PEX5: variants seen among roughly 807,000 people sequenced by gnomAD.
The protein encoded by PEX5 is peroxisomal biogenesis factor 5, also known as PTS1 receptor.
In PEX5, 52 loss-of-function variants were observed where a neutral mutation model predicts 82.9. The observed-to-expected ratio is 0.63, with a 90% confidence interval of 0.50 to 0.79. The LOEUF (loss-of-function observed/expected upper bound fraction) is 0.79. Among genes scored for constraint, PEX5 ranks in the 30% least tolerant of loss-of-function variants. PEX5 has a pLI of 0.00. For synonymous variants in PEX5, 300 were observed against 318.8 expected (o/e 0.94, Z 0.63); for missense variants, 719 against 815.2 (o/e 0.88, Z 1.44).
intron 6 of PEX5, among the ~76,000 whole-genome samples, chr12:7,200,258 C>T (rs1236010869): frequency 2.7e-5 from 4 of 149,908 alleles, no homozygotes; most frequent in Non-Finnish European, 5.9e-5. Flanking sequence ...GACGGGGCGG[C>T]GGGGCAGAGG....
At position 7,191,106 on chromosome 12, in the gene PEX5, C is replaced by T. The variant is rs1029413264; in HGVS notation, c.184-120C>T. The T allele has an allele frequency of 4.8e-6, 6 of 1,242,018 alleles. No homozygotes were observed. The African/African-American group carries it at 7.4e-5, about 15-fold the overall frequency. The allele number at this position is 1,242,018 out of a possible 1,614,324, so 76.9% of individuals were successfully genotyped here. A position where few individuals can be genotyped will look rare whatever the true frequency, so the allele number is the denominator to read the frequency against. On this transcript the variant is annotated intron_variant, in intron 3 of 15. Transcript: ENST00000675855. ...GGAAAGACAGTTTCTCTTTATGTGT[C>T]TCCAGTTTCTGTGTTTTCCTTTCCT...
chr12:7,190,067 G>T, intron 1 of PEX5: 1 of 1,500,098 alleles, frequency 6.7e-7, no homozygotes, highest in Non-Finnish European at 8.8e-7. Context: ...TGGTCCCCCG[G>T]GGTCCAGGCC....
intron 5 of PEX5, among the ~76,000 whole-genome samples, chr12:7,192,181 G>GCCTTGTGTTA (rs1941264461): frequency 6.6e-6 from 1 of 152,140 alleles, no homozygotes; most frequent in Admixed American, 6.5e-5. Context: ...TACGTTCTAG[G>GCCTTGTGTTA]CCTTGTGTTA....
rs370010815 is a variant in PEX5, at chr12:7,203,433, C to T, written c.848C>T (p.Ser283Phe). The change falls in exon 10 of 16, where the codon TCT becomes TTT. Residue 283 changes from serine to phenylalanine, a missense_variant and splice_region_variant. Transcript: ENST00000675855. ...CTATCTGCTTTCCCTTCCTTACAGTCTGATGTCGATTTCTGGGACAAGTTG... is the reference window on the plus strand; with the variant it reads ...CTATCTGCTTTCCCTTCCTTACAGTTTGATGTCGATTTCTGGGACAAGTTG... ...EFERAKSAIE[S>F]DVDFWDKLQA... 8.7e-6 allele frequency: 14 copies of T among 1,613,040 alleles called. No homozygotes were observed. Among genetic ancestry groups the T allele is most frequent in the Non-Finnish European group, 1.0e-5 (12 of 1,179,700 alleles).
chr12:7,199,304 A>G (rs1268367914), intron 6 of PEX5, among the ~76,000 whole-genome samples, 191 bp downstream of exon 6: 1 of 150,958 alleles, frequency 6.6e-6, no homozygotes, highest in Non-Finnish European at 1.5e-5. Context: ...TCAGCACATA[A>G]GCAAGTGAAC....
chr12:7,199,195 C>T, intron 6 of PEX5, 82 bp downstream of exon 6: 1 of 671,516 alleles, frequency 1.5e-6, no homozygotes, highest in South Asian at 1.6e-5. Flanking sequence ...GTTCTCGAAC[C>T]AACTTACTTT....
chr12:7,197,222 A>ATATATGTCATATGTAATAAT lies in PEX5; in HGVS notation c.449-1763_449-1744dup, dbSNP rs1157306210. Among the ~76,000 whole-genome samples, 59 of 69,182 alleles carry ATATATGTCATATGTAATAAT rather than the reference A, an allele frequency of 8.5e-4. 11 individuals carry two copies. In the East Asian group the frequency reaches 0.014, roughly 17 times the overall value. The allele number at this position is 69,182 out of a possible 152,430, so 45.4% of individuals were successfully genotyped here. ...TATATATGTCATATATAATGTAATT[A>ATATATGTCATATGTAATAAT]TATATGTCATATGTAATAATTATAT... On this transcript the variant is annotated intron_variant, in intron 5 of 15. Coordinates refer to ENST00000675855, the MANE Select transcript of PEX5 (RefSeq NM_001351132.2).
At chr12:7,216,214 C>G (rs954189339), downstream of PEX5, among the ~76,000 whole-genome samples, 1 of 152,180 alleles carries the variant, frequency 6.6e-6, no homozygotes, top group African/African-American at 2.4e-5. Context: ...GTGATCCACC[C>G]GCCTTAGCTT....
rs750743600 is a variant in PEX5 at position 7,208,461 on chromosome 12, C to G, written c.1186C>G (p.Leu396Val). 1 of 1,613,298 alleles carries G rather than the reference C, an allele frequency of 6.2e-7. No individual in the cohort carries two copies. Among genetic ancestry groups the G allele is most frequent in the South Asian group, 1.1e-5 (1 of 91,042 alleles). ...TGCCCATCCCTGATCAAACAGGTGT[C>G]TGGAGCTAAAGCCAGATAACCAGAC... is the stretch of plus-strand genomic sequence containing the variant. ...LLAISALRRC[L>V]ELKPDNQTAL... The change falls in exon 13 of 16, where the codon CTG (leucine) becomes GTG (valine). Residue 396 changes from leucine to valine, a missense_variant. Coordinates refer to ENST00000675855, the MANE Select transcript of PEX5 (RefSeq NM_001351132.2).
At chr12:7,200,119 C>T (rs1218127431) in intron 6 of PEX5, among the ~76,000 whole-genome samples, 2 of 149,798 alleles carry the variant, frequency 1.3e-5, no homozygotes, top group Admixed American at 1.3e-4. Context: ...CGGAGACGCT[C>T]CTCACTTCCC....
At chr12:7,197,392 TTA>T (rs1179229186) in intron 5 of PEX5, among the ~76,000 whole-genome samples, 4,960 of 61,592 alleles carry the variant, frequency 0.081, 181 homozygotes, top group South Asian at 0.11. Context: ...AATGTAATAA[TTA>T]TATATATGTC....
At chr12:7,189,495 G>C (rs1940468938), upstream of PEX5, 1 of 159,766 alleles carries the variant, frequency 6.3e-6, no homozygotes, top group Non-Finnish European at 1.4e-5. Context: ...CTTTTCGAGC[G>C]CTCCTAAAGG....
At chr12:7,203,618 C>T (rs978063657) in intron 10 of PEX5, 67 bp downstream of exon 10, 63 of 1,493,166 alleles carry the variant, frequency 4.2e-5, no homozygotes, top group Non-Finnish European at 5.6e-5. Flanking sequence ...TTCCTTTAAT[C>T]CTGAATTTGA....
intron 1 of PEX5, chr12:7,190,131 C>A: frequency 6.7e-7 from 1 of 1,484,556 alleles, no homozygotes; most frequent in Non-Finnish European, 8.9e-7. Context: ...GTCGCGGAGG[C>A]CTCTGCAGAG....
At chr12:7,208,185 A>G (rs1226383740) in intron 12 of PEX5, 105 bp downstream of exon 12, 23 of 875,118 alleles carry the variant, frequency 2.6e-5, no homozygotes, top group East Asian at 4.9e-5. Context: ...TCTGAGTGCT[A>G]TCAAGAGTGT....
At position 7,202,252 on chromosome 12, in the gene PEX5, C is replaced by A. The variant is rs752935710; in HGVS notation, c.654C>A (p.Phe218Leu). The A allele has an allele frequency of 6.2e-7, 1 of 1,613,918 alleles. No homozygotes were observed. Among genetic ancestry groups the A allele is most frequent in the Admixed American group, 1.7e-5 (1 of 59,970 alleles). ...TCTCTGTGCCCCAGTTCCTGAAATT[C>A]GTGCGGCAGATTGGCGAAGGGCAGG... Reference protein sequence around the residue: ...PKLANSEFLKFVRQIGEGQVS... With the variant: ...PKLANSEFLKLVRQIGEGQVS... The change falls in exon 8 of 16, where the codon TTC becomes TTA. Residue 218 changes from phenylalanine (F) to leucine (L), a missense_variant. Coordinates refer to ENST00000675855, the MANE Select transcript of PEX5 (RefSeq NM_001351132.2).
intron 12 of PEX5, 41 bp from the exon 13 acceptor site, chr12:7,208,416 G>T: frequency 6.8e-7 from 1 of 1,476,998 alleles, no homozygotes; most frequent in Non-Finnish European, 9.4e-7. Flanking sequence ...GCCAGTGTCA[G>T]TCATTGCAGA....
At chr12:7,199,866 TG>T (rs1943462871) in intron 6 of PEX5, among the ~76,000 whole-genome samples, 1 of 80,640 alleles carries the variant, frequency 1.2e-5, no homozygotes, top group Admixed American at 1.4e-4. Flanking sequence ...ACGGGGCGGC[TG>T]GCCGGGCAGG....
In PEX5 at chr12:7,207,688, G is replaced by T; in HGVS notation, c.996G>T (p.Leu332Phe). The change falls in exon 11 of 16, where the codon TTG (leucine) becomes TTT (phenylalanine). Residue 332 changes from leucine to phenylalanine, a missense_variant. Physicochemically the swap from Leu to Phe is conservative, Grantham distance 22 (BLOSUM62 0). Transcript: ENST00000675855. Reference sequence around the variant, plus strand: ...ACCAGTTTGAGGAGGAGAACCCCTTGCGTGATCACCCTCAGCCTTTTGAAG... The same window carrying T: ...ACCAGTTTGAGGAGGAGAACCCCTTTCGTGATCACCCTCAGCCTTTTGAAG... The part of the protein sequence containing the change: ...KGYQFEEENP[L>F]RDHPQPFEEG... 6.2e-7 allele frequency: 1 copy of T among 1,614,136 alleles called. No homozygotes were observed. Among genetic ancestry groups the T allele is most frequent in the South Asian group, 1.1e-5 (1 of 91,088 alleles).
Sources: gnomAD v4.1 joint callset for allele counts (sites outside exome capture counted in the v4.1 genomes callset) on GRCh38, gnomAD v4.1.1 for gene constraint, MANE v1.5 for transcripts, NCBI Gene and HGNC (gene_info 2026-07-23, HGNC 2026-07-21) for gene names.